Variants in SLC24A2 observed in about 807,000 individuals in gnomAD.
The protein encoded by SLC24A2 is sodium/potassium/calcium exchanger 2.
Under a neutral mutation model 62.0 loss-of-function variants are expected in SLC24A2, and 36 were observed. The ratio of observed to expected loss-of-function variants is 0.58; its 90% CI spans 0.44 to 0.77. SLC24A2 has a LOEUF of 0.77. SLC24A2 is among the 30% of genes least tolerant of loss of function. The probability of loss-of-function intolerance (pLI) is 0.00; values close to 1 mark genes in which losing one functional copy is unlikely to be tolerated. For missense variants in SLC24A2, 846 were observed against 817.9 expected, an observed-to-expected ratio of 1.03 and a Z score of -0.42; for synonymous variants, 358 against 294.0, an observed-to-expected ratio of 1.22 and a Z score of -2.23.
intron 8 of SLC24A2, among the ~76,000 whole-genome samples, chr9:19,530,742 G>A (rs767573381): frequency 2.6e-5 from 4 of 152,056 alleles, no homozygotes; most frequent in South Asian, 2.1e-4. Context: ...AATGGGCATC[G>A]AACCATACCT....
chr9:19,871,531 G>T, the SLC24A2 span, among the ~76,000 whole-genome samples: 1 of 151,932 alleles, frequency 6.6e-6, no homozygotes, highest in Non-Finnish European at 1.5e-5. Flanking sequence ...TGGTGAATTT[G>T]CCATTTCAGT....
intron 2 of SLC24A2, among the ~76,000 whole-genome samples, chr9:19,757,840 T>C (rs1009809452): frequency 2.6e-5 from 4 of 152,018 alleles, no homozygotes; most frequent in Non-Finnish European, 1.5e-5. Context: ...GGTAGTGAGT[T>C]CTCCCTCTGG....
the SLC24A2 span, among the ~76,000 whole-genome samples, chr9:19,980,132 T>C: frequency 6.6e-6 from 1 of 152,156 alleles, no homozygotes; most frequent in Non-Finnish European, 1.5e-5. Flanking sequence ...AGTTGGGCTT[T>C]GAAGGATGGG....
chr9:19,594,688 G>C (rs1168123930), intron 5 of SLC24A2, among the ~76,000 whole-genome samples: 1 of 152,204 alleles, frequency 6.6e-6, no homozygotes. Context: ...TCAAAGGCTA[G>C]CTAGCTAGTC....
intron 4 of SLC24A2, among the ~76,000 whole-genome samples, chr9:19,598,500 T>C (rs1406491397): frequency 6.6e-6 from 1 of 152,160 alleles, no homozygotes; most frequent in African/African-American, 2.4e-5. Context: ...AGCACAAAAT[T>C]ATATCTTGGG....
the SLC24A2 span, among the ~76,000 whole-genome samples, chr9:19,903,890 T>C: frequency 5.9e-5 from 9 of 152,148 alleles, no homozygotes; most frequent in Non-Finnish European, 1.0e-4. Context: ...CATGTCCTTG[T>C]GAGTAGGTGC....
chr9:19,858,424 C>A, the SLC24A2 span, among the ~76,000 whole-genome samples: 1 of 152,088 alleles, frequency 6.6e-6, no homozygotes, highest in African/African-American at 2.4e-5. Flanking sequence ...TAGGAAATAC[C>A]ATTGTAGACA....
the SLC24A2 span, among the ~76,000 whole-genome samples, chr9:20,136,147 G>A: frequency 6.6e-6 from 1 of 152,062 alleles, no homozygotes; most frequent in Non-Finnish European, 1.5e-5. Context: ...CAATAACGCT[G>A]GTTAGTTACA....
At chr9:20,263,730 T>C in the SLC24A2 span, among the ~76,000 whole-genome samples, 409 of 152,218 alleles carry the variant, frequency 2.7e-3, 4 homozygotes, top group African/African-American at 9.5e-3. Context: ...TACCCTATAG[T>C]ATGTGTTCCT....
At chr9:20,188,827 C>T in the SLC24A2 span, among the ~76,000 whole-genome samples, 3 of 152,002 alleles carry the variant, frequency 2.0e-5, no homozygotes, top group African/African-American at 7.3e-5. Context: ...GGATTGTAGC[C>T]CAGTAAAACT....
intron 2 of SLC24A2, among the ~76,000 whole-genome samples, chr9:19,633,993 T>C (rs144179685): frequency 1.7e-4 from 26 of 152,308 alleles, no homozygotes; most frequent in African/African-American, 6.0e-4. Context: ...CAGTTTTAGG[T>C]AGCAAGTCTA....
intron 8 of SLC24A2, among the ~76,000 whole-genome samples, chr9:19,539,150 A>T (rs1334245936): frequency 1.5e-5 from 1 of 68,734 alleles, no homozygotes; most frequent in Non-Finnish European, 2.9e-5. Flanking sequence ...CCTTTCAAAA[A>T]ACCAGCTCCT....
At chr9:20,115,385 G>A in the SLC24A2 span, among the ~76,000 whole-genome samples, 2 of 152,026 alleles carry the variant, frequency 1.3e-5, no homozygotes, top group African/African-American at 4.8e-5. Flanking sequence ...AGTCAGATAC[G>A]GAAACGTCAA....
chr9:20,291,786 G>A, the SLC24A2 span, among the ~76,000 whole-genome samples: 33 of 152,284 alleles, frequency 2.2e-4, no homozygotes, highest in East Asian at 6.2e-3. Flanking sequence ...AGCAGATCTA[G>A]GGATCAAGAA....
At chr9:19,548,833 G>GT (rs1563954571) in intron 8 of SLC24A2, among the ~76,000 whole-genome samples, 1 of 152,254 alleles carries the variant, frequency 6.6e-6, no homozygotes, top group Non-Finnish European at 1.5e-5. Context: ...GGGATGGACT[G>GT]TATTTCCGAG....
the SLC24A2 span, among the ~76,000 whole-genome samples, chr9:20,102,509 G>A: frequency 6.6e-6 from 1 of 151,256 alleles, no homozygotes; most frequent in Non-Finnish European, 1.5e-5. Context: ...GGGGGGGAAG[G>A]GGACACACAG....
At chr9:19,883,240 C>A in the SLC24A2 span, among the ~76,000 whole-genome samples, 1 of 152,110 alleles carries the variant, frequency 6.6e-6, no homozygotes, top group East Asian at 1.9e-4. Flanking sequence ...CAATCTAAAC[C>A]ATTTTATCTA....
At chr9:20,171,915 C>T in the SLC24A2 span, among the ~76,000 whole-genome samples, 2 of 151,978 alleles carry the variant, frequency 1.3e-5, no homozygotes, top group African/African-American at 4.8e-5. Context: ...AATATACCTT[C>T]TATTCATCAG....
the SLC24A2 span, among the ~76,000 whole-genome samples, chr9:20,106,897 G>A: frequency 1.3e-5 from 2 of 152,014 alleles, no homozygotes; most frequent in African/African-American, 4.8e-5. Context: ...TAGGAAAAGA[G>A]GAAGTCAAAT....
Sources: gnomAD v4.1 joint callset for allele counts (sites outside exome capture counted in the v4.1 genomes callset) on GRCh38, gnomAD v4.1.1 for gene constraint, MANE v1.5 for transcripts, NCBI Gene and HGNC (gene_info 2026-07-23, HGNC 2026-07-21) for gene names.